SAMD5: variants seen among roughly 807,000 people sequenced by gnomAD.
The protein encoded by SAMD5 is sterile alpha motif domain-containing protein 5.
In SAMD5, 13 loss-of-function variants were observed where a neutral mutation model predicts 11.3. That is an observed-to-expected ratio of 1.15 (90% CI 0.75 to 1.83). SAMD5 has a LOEUF of 1.83. Among genes scored for constraint, SAMD5 ranks in the 40% most tolerant of loss-of-function variants. The probability of loss-of-function intolerance (pLI) is 0.00; values close to 1 mark genes in which losing one functional copy is unlikely to be tolerated. For missense variants in SAMD5, 255 were observed against 239.1 expected, an observed-to-expected ratio of 1.07 and a Z score of -0.44; for synonymous variants, 129 against 111.3, an observed-to-expected ratio of 1.16 and a Z score of -1.00.
At chr6:147,650,146 GCATT>G (rs1305400326) in intron 1 of SAMD5, among the ~76,000 whole-genome samples, 2 of 152,038 alleles carry the variant, frequency 1.3e-5, no homozygotes, top group Admixed American at 1.3e-4. Context: ...CATTTATTAC[GCATT>G]CATTGAACAT....
chr6:147,626,944 T>C (rs7774740), intron 1 of SAMD5, among the ~76,000 whole-genome samples: 3,265 of 152,352 alleles, frequency 0.021, 103 homozygotes, highest in African/African-American at 0.073. Flanking sequence ...ATTCCTCTTC[T>C]TCTTCCTCCT....
the SAMD5 span, among the ~76,000 whole-genome samples, chr6:147,834,248 A>G: frequency 6.7e-6 from 1 of 150,174 alleles, no homozygotes; most frequent in Non-Finnish European, 1.5e-5. Flanking sequence ...CATATGAAGT[A>G]TATACACTGT....
intron 1 of SAMD5, among the ~76,000 whole-genome samples, chr6:147,616,199 T>TCA (rs1562334295): frequency 7.1e-5 from 7 of 99,238 alleles, no homozygotes; most frequent in African/African-American, 2.6e-4. Context: ...TTCATATATA[T>TCA]TTATTCATAT....
the SAMD5 span, among the ~76,000 whole-genome samples, chr6:147,893,127 G>A: frequency 6.6e-6 from 1 of 151,830 alleles, no homozygotes; most frequent in South Asian, 2.1e-4. Flanking sequence ...GCTTGAACCT[G>A]GGAGGCAGAG....
chr6:147,824,977 C>T, the SAMD5 span, among the ~76,000 whole-genome samples: 6 of 151,952 alleles, frequency 3.9e-5, no homozygotes, highest in Non-Finnish European at 5.9e-5. Context: ...AAAATGGCAA[C>T]GAATAAGAAA....
chr6:147,851,203 C>T, the SAMD5 span, among the ~76,000 whole-genome samples: 1 of 152,164 alleles, frequency 6.6e-6, no homozygotes, highest in Non-Finnish European at 1.5e-5. Context: ...CTCAGCCTCC[C>T]AAAGTGCTGG....
At chr6:147,844,806 C>T in the SAMD5 span, among the ~76,000 whole-genome samples, 1 of 151,950 alleles carries the variant, frequency 6.6e-6, no homozygotes, top group Non-Finnish European at 1.5e-5. Flanking sequence ...AAAAGATAAA[C>T]TCATAAAGAG....
At chr6:147,750,392 T>C in the SAMD5 span, among the ~76,000 whole-genome samples, 63 of 152,360 alleles carry the variant, frequency 4.1e-4, no homozygotes, top group East Asian at 8.9e-3. Flanking sequence ...CAATTTATCC[T>C]AGTAACTCTC....
chr6:147,547,806 T>C (rs1294410052), intron 1 of SAMD5, among the ~76,000 whole-genome samples: 1 of 152,208 alleles, frequency 6.6e-6, no homozygotes, highest in Non-Finnish European at 1.5e-5. Context: ...CTGCGTTTAT[T>C]TCTGCCCAAG....
At chr6:147,774,240 G>A in the SAMD5 span, among the ~76,000 whole-genome samples, 2 of 152,124 alleles carry the variant, frequency 1.3e-5, no homozygotes, top group Non-Finnish European at 2.9e-5. Context: ...CTGTGGCCTG[G>A]TAGGGTTAGG....
At chr6:147,720,855 C>A (rs1278948687) in intron 1 of SAMD5, among the ~76,000 whole-genome samples, 3 of 116,758 alleles carry the variant, frequency 2.6e-5, no homozygotes, top group Non-Finnish European at 5.2e-5. Flanking sequence ...CCCCTCCCCC[C>A]ACCCCACAAC....
the SAMD5 span, among the ~76,000 whole-genome samples, chr6:147,916,552 T>G: frequency 6.6e-6 from 1 of 152,154 alleles, no homozygotes; most frequent in South Asian, 2.1e-4. Context: ...AAATGTCTTT[T>G]TTAAAATTTT....
the SAMD5 span, among the ~76,000 whole-genome samples, chr6:147,816,149 G>A: frequency 6.0e-4 from 90 of 150,466 alleles, no homozygotes; most frequent in Admixed American, 3.4e-3. Context: ...GTGTGGTGGC[G>A]CGCGCCTGTA....
the SAMD5 span, among the ~76,000 whole-genome samples, chr6:147,884,847 T>A: frequency 1.3e-5 from 2 of 152,326 alleles, no homozygotes; most frequent in Non-Finnish European, 2.9e-5. Flanking sequence ...ATGACTTAGC[T>A]GTCTGGCGCA....
chr6:147,559,084 A>G (rs7768169), intron 1 of SAMD5, among the ~76,000 whole-genome samples: 4,351 of 152,272 alleles, frequency 0.029, 131 homozygotes, highest in African/African-American at 0.069. Context: ...CCCAACAGTT[A>G]AATTCCCGGT....
rs1428549695 is a variant in SAMD5, at chr6:147,567,798, G to T, written c.*3342G>T. 1.0e-6 allele frequency: 1 copy of T among 985,230 alleles called. No individual in the cohort carries two copies. Among genetic ancestry groups the T allele is most frequent in the Non-Finnish European group, 1.2e-6 (1 of 829,838 alleles). The allele number at this position is 985,230 out of a possible 1,614,324, so 61.0% of individuals were successfully genotyped here. A position where few individuals can be genotyped will look rare whatever the true frequency, so the allele number is the denominator to read the frequency against. ...GTCCCCTTTGATTTCTCTCAGGAAG[G>T]ATAAAAAAGGCTACAGTACCTGCTC... On this transcript the variant is annotated 3_prime_UTR_variant, in exon 2 of 2. Transcript: ENST00000367474.
the SAMD5 span, among the ~76,000 whole-genome samples, chr6:147,799,304 A>G: frequency 5.3e-5 from 8 of 151,884 alleles, no homozygotes; most frequent in Non-Finnish European, 1.2e-4. Flanking sequence ...TCTGTAAAGT[A>G]TTTTATTTCT....
At chr6:147,832,723 G>T in the SAMD5 span, among the ~76,000 whole-genome samples, 1 of 152,228 alleles carries the variant, frequency 6.6e-6, no homozygotes, top group South Asian at 2.1e-4. Context: ...AATATTTGCT[G>T]CTTCCTCCTC....
rs140028663 is a variant in SAMD5 at position 147,600,473 on chromosome 6, C to T, written c.162+91086C>T. The stretch of plus-strand genomic sequence containing the variant: ...AACAACACTGAGCAATGACCAGCCT[C>T]CCATTCTTGGGAGTTTCATATGGAG... On this transcript the variant is annotated intron_variant, in intron 1 of 1. Coordinates refer to the SAMD5 transcript ENST00000566741. Among the ~76,000 whole-genome samples the T allele has an allele frequency of 3.2e-3, 493 of 152,314 alleles. 2 individuals carry two copies. The highest frequency in any genetic ancestry group is 0.011 in the African/African-American group (470 of 41,564).
Sources: allele counts gnomAD v4.1 joint callset (sites outside exome capture counted in the v4.1 genomes callset), GRCh38; gene constraint gnomAD v4.1.1; transcripts MANE v1.5; gene names NCBI Gene and HGNC (gene_info 2026-07-23, HGNC 2026-07-21).